Variants in ESRRG observed in about 807,000 individuals in gnomAD.
ESRRG encodes the protein estrogen-related receptor gamma.
A neutral mutation model predicts 44.0 loss-of-function variants in ESRRG; 13 were observed. That is an observed-to-expected ratio of 0.30 (90% CI 0.19 to 0.47). The LOEUF is 0.47. ESRRG is among the 20% of genes least tolerant of loss of function. ESRRG has a pLI of 1.00. For synonymous variants in ESRRG, 215 were observed against 214.6 expected (o/e 1.00, Z -0.02); for missense variants, 395 against 580.6 (o/e 0.68, Z 3.29).
chr1:216,854,995 T>C (rs963425813), intron 2 of ESRRG: 2 of 152,194 alleles, frequency 1.3e-5, no homozygotes, highest in African/African-American at 4.8e-5. Flanking sequence ...CTAGAAGTGC[T>C]GGGTCCTCTG....
chr1:216,581,332 A>G (rs1027724142), intron 3 of ESRRG, among the ~76,000 whole-genome samples: 2 of 152,212 alleles, frequency 1.3e-5, no homozygotes, highest in Non-Finnish European at 2.9e-5. Flanking sequence ...ACCTCTGTAT[A>G]TATGTATATA....
At chr1:216,727,844 G>C (rs933612846), upstream of ESRRG, among the ~76,000 whole-genome samples, 2 of 151,928 alleles carry the variant, frequency 1.3e-5, no homozygotes, top group Non-Finnish European at 2.9e-5. Flanking sequence ...GGGAGCAACT[G>C]TCTCACCGAC....
chr1:216,970,945 C>T (rs1407173193), intron 1 of ESRRG, among the ~76,000 whole-genome samples: 1 of 152,034 alleles, frequency 6.6e-6, no homozygotes, highest in African/African-American at 2.4e-5. Context: ...GAGAATAAAT[C>T]CAAGGAAGGA....
At chr1:217,100,495 G>T (rs1049839301) in intron 1 of ESRRG, among the ~76,000 whole-genome samples, 3 of 152,182 alleles carry the variant, frequency 2.0e-5, no homozygotes, top group Non-Finnish European at 2.9e-5. Flanking sequence ...TGGAGGACAG[G>T]GTTGGAGGCT....
chr1:216,995,826 T>G (rs1191945414), intron 1 of ESRRG, among the ~76,000 whole-genome samples: 2 of 152,112 alleles, frequency 1.3e-5, no homozygotes, highest in Non-Finnish European at 2.9e-5. Context: ...CTGACTACAT[T>G]TTGTCCTATT....
intron 5 of ESRRG, among the ~76,000 whole-genome samples, chr1:216,555,435 G>C (rs183539032): frequency 6.6e-6 from 1 of 151,844 alleles, no homozygotes; most frequent in Admixed American, 6.6e-5. Flanking sequence ...AATTTTGATA[G>C]GTACAAAGCT....
chr1:216,769,141 A>G (rs1332391538), intron 2 of ESRRG, among the ~76,000 whole-genome samples: 23 of 152,158 alleles, frequency 1.5e-4, no homozygotes, highest in Admixed American at 1.5e-3. Flanking sequence ...TCAGGAGACA[A>G]TCAATTGATT....
intron 2 of ESRRG, among the ~76,000 whole-genome samples, chr1:216,751,932 A>G (rs1308222911): frequency 1.3e-5 from 2 of 152,086 alleles, no homozygotes; most frequent in African/African-American, 2.4e-5. Context: ...ATAAATTACA[A>G]ACCACCAGAG....
chr1:216,595,593 A>G (rs1412773118), intron 3 of ESRRG, among the ~76,000 whole-genome samples: 1 of 152,206 alleles, frequency 6.6e-6, no homozygotes, highest in Non-Finnish European at 1.5e-5. Flanking sequence ...TTTCATTTCT[A>G]TTATGCTTTT....
rs150849623 is a variant in ESRRG at position 216,686,391 on chromosome 1, A to G, written c.57-8900T>C. The stretch of plus-strand genomic sequence containing the variant: ...TCTGCATATATATTTAATTCAAGCC[A>G]TGGAAATGACTAAGGATTTATTTTG... On this transcript the variant is annotated intron_variant, in intron 1 of 6. Coordinates refer to ENST00000408911, the MANE Select transcript of ESRRG (RefSeq NM_001438.4). Among the ~76,000 whole-genome samples, 244 of 151,160 alleles carry G rather than the reference A, an allele frequency of 1.6e-3. 6 individuals are homozygous for G. In the East Asian group the frequency reaches 0.044, roughly 27 times the overall value.
intron 2 of ESRRG, among the ~76,000 whole-genome samples, chr1:216,935,905 G>A (rs1376864623): frequency 2.6e-5 from 4 of 152,056 alleles, no homozygotes; most frequent in Non-Finnish European, 5.9e-5. Flanking sequence ...GTGAGCCATC[G>A]TGTCTGGCCC....
intron 3 of ESRRG, among the ~76,000 whole-genome samples, chr1:216,590,614 T>C (rs1391275090): frequency 6.6e-6 from 1 of 152,176 alleles, no homozygotes; most frequent in African/African-American, 2.4e-5. Context: ...GTGCTAAAGA[T>C]CTGGTTAGAA....
intron 1 of ESRRG, among the ~76,000 whole-genome samples, chr1:216,992,692 C>T (rs2075883739): frequency 6.6e-6 from 1 of 152,076 alleles, no homozygotes. Context: ...TATCAAATTC[C>T]AATATTGGTT....
intron 2 of ESRRG, among the ~76,000 whole-genome samples, chr1:216,880,895 T>A (rs910664530): frequency 6.6e-6 from 1 of 152,166 alleles, no homozygotes; most frequent in East Asian, 1.9e-4. Context: ...CCACTATTAC[T>A]GAAAACACAC....
intron 3 of ESRRG, among the ~76,000 whole-genome samples, chr1:216,609,871 G>T (rs2060400786): frequency 1.3e-5 from 2 of 152,118 alleles, no homozygotes; most frequent in South Asian, 4.1e-4. Context: ...CTATTTGGTG[G>T]TAGCTGTCAG....
intron 3 of ESRRG, among the ~76,000 whole-genome samples, chr1:216,571,641 ACTAT>A (rs2060832294): frequency 7.0e-6 from 1 of 142,154 alleles, no homozygotes; most frequent in Non-Finnish European, 1.6e-5. Context: ...TAGATCAATA[ACTAT>A]CTATGCATTC....
At chr1:216,983,354 C>G (rs1019501650) in intron 1 of ESRRG, among the ~76,000 whole-genome samples, 1 of 151,926 alleles carries the variant, frequency 6.6e-6, no homozygotes, top group African/African-American at 2.4e-5. Context: ...ACCTCAGCCT[C>G]CCTAATAGCT....
At chr1:216,604,783 A>G (rs1188055513) in intron 3 of ESRRG, among the ~76,000 whole-genome samples, 1 of 152,216 alleles carries the variant, frequency 6.6e-6, no homozygotes, top group Non-Finnish European at 1.5e-5. Context: ...GGCCTGTACC[A>G]TCTAAAATAT....
At chr1:216,615,933 G>T (rs953554603) in intron 3 of ESRRG, among the ~76,000 whole-genome samples, 14 of 151,958 alleles carry the variant, frequency 9.2e-5, no homozygotes, top group Admixed American at 3.9e-4. Flanking sequence ...AGATCTGCCC[G>T]CCTCGGCCTC....
Sources: allele counts gnomAD v4.1 joint callset (sites outside exome capture counted in the v4.1 genomes callset), GRCh38; gene constraint gnomAD v4.1.1; transcripts MANE v1.5; gene names NCBI Gene and HGNC (gene_info 2026-07-23, HGNC 2026-07-21).